Variants in SLC25A26 observed in about 807,000 individuals in gnomAD.
The protein encoded by SLC25A26 is solute carrier family 25 member 26.
A neutral mutation model predicts 37.8 loss-of-function variants in SLC25A26; 36 were observed. The ratio of observed to expected loss-of-function variants is 0.95; its 90% CI spans 0.73 to 1.26. SLC25A26 has a LOEUF of 1.26. Ranked by LOEUF, SLC25A26 falls within the 50% of genes most tolerant of loss-of-function variation. The probability of loss-of-function intolerance (pLI) is 0.00; values close to 1 mark genes in which losing one functional copy is unlikely to be tolerated. For synonymous variants in SLC25A26, 129 were observed against 122.5 expected (o/e 1.05, Z -0.35); for missense variants, 390 against 331.1 (o/e 1.18, Z -1.38).
rs865984559 is a variant in SLC25A26, at chr3:66,346,721, T to C, written c.498+313T>C. Among the ~76,000 whole-genome samples the C allele has an allele frequency of 3.2e-4, 31 of 96,510 alleles. 1 individual carries two copies. Among genetic ancestry groups the C allele is most frequent in the African/African-American group, 1.7e-3 (22 of 13,070 alleles). 63.3% of individuals were successfully genotyped at this position (96,510 alleles called of 152,430 possible). A position where few individuals can be genotyped will look rare whatever the true frequency, so the allele number is the denominator to read the frequency against. ...AATTTCATTTTGCTGTGTGCGTGTG[T>C]GTGTGTGTGTGTGTGTGTGTGTGTG... On this transcript the variant is annotated intron_variant, in intron 6 of 9. Transcript: ENST00000354883.
intron 1 of SLC25A26, among the ~76,000 whole-genome samples, chr3:66,180,745 A>C (rs1420325637): frequency 6.6e-6 from 1 of 151,980 alleles, no homozygotes; most frequent in Non-Finnish European, 1.5e-5. Flanking sequence ...AAGTAGACAA[A>C]CTTTTTATTT....
At chr3:66,311,220 A>T (rs1002487761) in intron 5 of SLC25A26, among the ~76,000 whole-genome samples, 1 of 151,794 alleles carries the variant, frequency 6.6e-6, no homozygotes, top group Non-Finnish European at 1.5e-5. Flanking sequence ...TCTTGTCGTC[A>T]CACTTTATTT....
At chr3:66,191,111 T>C (rs2070933915) in intron 1 of SLC25A26, among the ~76,000 whole-genome samples, 3 of 152,084 alleles carry the variant, frequency 2.0e-5, no homozygotes, top group Non-Finnish European at 4.4e-5. Flanking sequence ...CACATATGAG[T>C]ATGTGTCATT....
intron 1 of SLC25A26, among the ~76,000 whole-genome samples, chr3:66,197,953 T>A (rs2071066449): frequency 6.6e-6 from 1 of 151,896 alleles, no homozygotes. Flanking sequence ...ATAGACAGGA[T>A]CAGGGTCAGA....
chr3:66,245,876 A>G (rs1254165306), intron 3 of SLC25A26, among the ~76,000 whole-genome samples: 3 of 152,200 alleles, frequency 2.0e-5, no homozygotes, highest in African/African-American at 7.2e-5. Context: ...GGTTTACACC[A>G]TATTCACAGA....
intron 6 of SLC25A26, among the ~76,000 whole-genome samples, chr3:66,356,871 C>T (rs1163398395): frequency 3.9e-5 from 6 of 152,162 alleles, no homozygotes; most frequent in Middle Eastern, 3.4e-3. Flanking sequence ...TCAAGTGATC[C>T]TCCCACCTCA....
intron 7 of SLC25A26, among the ~76,000 whole-genome samples, chr3:66,367,677 TAGATAGAC>T (rs145392776): frequency 0.051 from 7,214 of 140,470 alleles, 223 homozygotes; most frequent in South Asian, 0.078. Flanking sequence ...GGGAGATAGA[TAGATAGAC>T]AGACAGACAG....
intron 6 of SLC25A26, among the ~76,000 whole-genome samples, chr3:66,350,539 G>C (rs1001888130): frequency 2.0e-5 from 3 of 152,060 alleles, no homozygotes; most frequent in Admixed American, 6.6e-5. Context: ...TCTACATTTT[G>C]GATGTGTCTG....
At chr3:66,205,371 C>T (rs1166256170) in intron 1 of SLC25A26, among the ~76,000 whole-genome samples, 1 of 152,164 alleles carries the variant, frequency 6.6e-6, no homozygotes, top group Non-Finnish European at 1.5e-5. Flanking sequence ...ATAGGTGTAG[C>T]TATTGTTCCA....
At chr3:66,307,491 G>T (rs2075259815) in intron 5 of SLC25A26, among the ~76,000 whole-genome samples, 1 of 152,212 alleles carries the variant, frequency 6.6e-6, no homozygotes, top group Non-Finnish European at 1.5e-5. Context: ...TTGCTGTGCA[G>T]AAGCTCTTTA....
Position 66,236,567 on chromosome 3 carries a change from T to C in SLC25A26, c.57T>C (p.Ser19=), listed in dbSNP as rs939119365. The part of the protein sequence containing the change: ...ALVAGGVAGV[S]VDLILFPLDT... ...AGGCTGGTGGGGTAGCAGGTGTTTC[T>C]GTTGACTTGATATTATTTCCTCTGG... Residue 19 remains serine (S), a synonymous_variant, in exon 2 of 10, where the codon TCT becomes TCC. Transcript: ENST00000354883. The C allele has an allele frequency of 4.0e-6, 6 of 1,481,950 alleles. No homozygotes were observed. Among genetic ancestry groups the C allele is most frequent in the Middle Eastern group, 1.7e-4 (1 of 5,746 alleles). 91.8% of individuals were successfully genotyped at this position (1,481,950 alleles called of 1,614,324 possible).
At chr3:66,292,760 C>T (rs1576810505) in intron 5 of SLC25A26, among the ~76,000 whole-genome samples, 2 of 151,988 alleles carry the variant, frequency 1.3e-5, no homozygotes, top group South Asian at 4.2e-4. Flanking sequence ...TGAATCTTGA[C>T]GATTATGTTG....
intron 1 of SLC25A26, among the ~76,000 whole-genome samples, chr3:66,226,256 A>G (rs555648436): frequency 3.7e-4 from 56 of 152,316 alleles, no homozygotes; most frequent in Non-Finnish European, 6.2e-4. Context: ...CACGTCTTAC[A>G]TGGCTGCAGA....
At chr3:66,298,967 T>C (rs1181569595) in intron 5 of SLC25A26, among the ~76,000 whole-genome samples, 4 of 152,190 alleles carry the variant, frequency 2.6e-5, no homozygotes, top group Non-Finnish European at 5.9e-5. Flanking sequence ...ACATAAAAAC[T>C]CACTTGAAGG....
chr3:66,166,828 C>G (rs1341973952), intron 1 of SLC25A26, among the ~76,000 whole-genome samples: 1 of 152,148 alleles, frequency 6.6e-6, no homozygotes, highest in East Asian at 1.9e-4. Context: ...GGCTCTATCT[C>G]CACCCAAAAC....
intron 5 of SLC25A26, among the ~76,000 whole-genome samples, chr3:66,279,980 A>G (rs1465988865): frequency 6.6e-6 from 1 of 152,210 alleles, no homozygotes. Flanking sequence ...TACCAATAGT[A>G]TCTGTGTTCA....
intron 1 of SLC25A26, among the ~76,000 whole-genome samples, chr3:66,223,187 A>C (rs550429565): frequency 6.6e-6 from 1 of 152,348 alleles, no homozygotes; most frequent in East Asian, 1.9e-4. Context: ...ATATTGGTGA[A>C]CCTCTTAGAT....
intron 3 of SLC25A26, among the ~76,000 whole-genome samples, chr3:66,261,826 G>A (rs1023200801): frequency 1.3e-5 from 2 of 151,830 alleles, no homozygotes; most frequent in African/African-American, 4.8e-5. Flanking sequence ...GCGGGAGGTG[G>A]CAGGATCTAT....
At chr3:66,252,106 C>G (rs1398182177) in intron 3 of SLC25A26, among the ~76,000 whole-genome samples, 3 of 152,186 alleles carry the variant, frequency 2.0e-5, no homozygotes, top group African/African-American at 4.8e-5. Flanking sequence ...CTGAATACTA[C>G]TCTCAAAGGA....
Sources: allele counts gnomAD v4.1 joint callset (sites outside exome capture counted in the v4.1 genomes callset), GRCh38; gene constraint gnomAD v4.1.1; transcripts MANE v1.5; gene names NCBI Gene and HGNC (gene_info 2026-07-23, HGNC 2026-07-21).